Variants in SHB observed in about 807,000 individuals in gnomAD.
The protein encoded by SHB is SH2 domain-containing adapter protein B.
SHB carries 20 observed loss-of-function variants against 52.3 expected under a neutral mutation model. The observed-to-expected ratio is 0.38, with a 90% CI of 0.27 to 0.56. The LOEUF (loss-of-function observed/expected upper bound fraction) is 0.56. SHB is among the 20% of genes least tolerant of loss of function. SHB has a pLI of 0.71. For missense variants in SHB, 825 were observed against 723.3 expected (o/e 1.14, Z -1.61); for synonymous variants, 397 against 316.5 (o/e 1.25, Z -2.70).
rs771012984 is a variant in SHB at position 37,916,464 on chromosome 9, A to G, written c.*3357T>C. ...GAGCTACCGGAACTTCGTGTTCAGC[A>G]TCTTACAAAGGGGGCCGCTGGTTCT... is the stretch of plus-strand genomic sequence containing the variant. On this transcript the variant is annotated 3_prime_UTR_variant, in exon 6 of 6. Coordinates refer to ENST00000377707, the MANE Select transcript of SHB (RefSeq NM_003028.3). 5.9e-5 allele frequency among the ~76,000 whole-genome samples: 9 copies of G among 152,230 alleles called. No individual in the cohort carries two copies. Among genetic ancestry groups the G allele is most frequent in the Non-Finnish European group, 1.2e-4 (8 of 68,042 alleles).
intron 1 of SHB, among the ~76,000 whole-genome samples, chr9:38,027,704 G>A (rs1213907665): frequency 3.3e-5 from 5 of 151,826 alleles, no homozygotes. Flanking sequence ...CTTACCAAGA[G>A]TGAGGGAGCT....
In SHB at chr9:37,923,490, G is replaced by T. The variant is rs573448913; in HGVS notation, c.1347-3486C>A. On this transcript the variant is annotated intron_variant, in intron 5 of 5. Transcript: ENST00000377707. ...GTCCCGAGACTATCTGCCAATCCTCGACCAATGCAAGGGTCAGGTGACGCC... is the reference window on the plus strand; with the variant it reads ...GTCCCGAGACTATCTGCCAATCCTCTACCAATGCAAGGGTCAGGTGACGCC... Among the ~76,000 whole-genome samples the T allele has an allele frequency of 2.6e-5, 4 of 152,180 alleles. No homozygotes were observed. In the South Asian group the frequency reaches 6.2e-4, roughly 24 times the overall value.
intron 2 of SHB, among the ~76,000 whole-genome samples, chr9:37,993,759 T>C (rs976478462): frequency 3.9e-5 from 6 of 152,174 alleles, no homozygotes; most frequent in African/African-American, 1.4e-4. Context: ...GAATTTTTGA[T>C]ATAAGCCTGA....
At chr9:38,014,259 G>A (rs773108843) in intron 2 of SHB, among the ~76,000 whole-genome samples, 6 of 151,926 alleles carry the variant, frequency 3.9e-5, no homozygotes, top group Non-Finnish European at 4.4e-5. Context: ...ACCCAAAGTC[G>A]CTCCTGTAAC....
chr9:38,040,506 A>T (rs1163567548), intron 1 of SHB, among the ~76,000 whole-genome samples: 1 of 152,214 alleles, frequency 6.6e-6, no homozygotes, highest in African/African-American at 2.4e-5. Flanking sequence ...GCTCTGCTCA[A>T]GTGAAGAGCT....
intron 2 of SHB, among the ~76,000 whole-genome samples, chr9:38,011,899 C>G (rs1015338848): frequency 1.3e-5 from 2 of 152,160 alleles, no homozygotes; most frequent in Non-Finnish European, 2.9e-5. Context: ...AGAGATGCTG[C>G]TGGGGTGAGA....
At chr9:37,999,060 A>G (rs1820982393) in intron 2 of SHB, among the ~76,000 whole-genome samples, 1 of 152,208 alleles carries the variant, frequency 6.6e-6, no homozygotes, top group African/African-American at 2.4e-5. Flanking sequence ...TGAGGAGGAC[A>G]GTGAGCGTTT....
chr9:37,981,954 G>GT (rs1820732595), intron 2 of SHB, among the ~76,000 whole-genome samples: 1 of 152,082 alleles, frequency 6.6e-6, no homozygotes, highest in Admixed American at 6.5e-5. Context: ...ACAGGTCACC[G>GT]TAACAGCTAT....
At chr9:37,956,904 T>G (rs1832642045) in intron 3 of SHB, among the ~76,000 whole-genome samples, 1 of 152,222 alleles carries the variant, frequency 6.6e-6, no homozygotes. Flanking sequence ...ACTGTGCCTG[T>G]ACCTGTGGAA....
intron 5 of SHB, among the ~76,000 whole-genome samples, chr9:37,938,629 G>C (rs992484022): frequency 1.1e-4 from 17 of 152,180 alleles, no homozygotes; most frequent in African/African-American, 4.1e-4. Context: ...AGATTTATGT[G>C]GGCTGATACG....
intron 1 of SHB, among the ~76,000 whole-genome samples, chr9:38,036,499 A>AC (rs1185417544): frequency 6.6e-6 from 1 of 152,052 alleles, no homozygotes; most frequent in East Asian, 1.9e-4. Context: ...GGCACAAGGA[A>AC]CCCCCAGAGC....
chr9:38,058,802 GTTC>G (rs1324944645), intron 1 of SHB, among the ~76,000 whole-genome samples: 1 of 152,078 alleles, frequency 6.6e-6, no homozygotes, highest in Non-Finnish European at 1.5e-5. Context: ...CTTCTGCACT[GTTC>G]TTCTTCCCTC....
intron 3 of SHB, among the ~76,000 whole-genome samples, chr9:37,967,660 A>C (rs985470375): frequency 2.0e-5 from 3 of 152,244 alleles, no homozygotes; most frequent in Admixed American, 2.0e-4. Flanking sequence ...TGGCAGCATC[A>C]GCATCACCTG....
intron 1 of SHB, among the ~76,000 whole-genome samples, chr9:38,063,975 C>T (rs552959875): frequency 8.0e-4 from 121 of 151,894 alleles, no homozygotes; most frequent in Non-Finnish European, 1.4e-3. Flanking sequence ...GTGGTGGAAA[C>T]AACATTTATT....
At chr9:37,995,917 T>A (rs1381990372) in intron 2 of SHB, among the ~76,000 whole-genome samples, 3 of 152,148 alleles carry the variant, frequency 2.0e-5, no homozygotes, top group Non-Finnish European at 4.4e-5. Flanking sequence ...TCTTTGAACA[T>A]CCAATTGGCT....
At chr9:37,956,828 A>T (rs186258639) in intron 3 of SHB, among the ~76,000 whole-genome samples, 1 of 152,308 alleles carries the variant, frequency 6.6e-6, no homozygotes, top group Non-Finnish European at 1.5e-5. Flanking sequence ...TTCTCTGAAA[A>T]ACAGGGATAA....
intron 1 of SHB, 105 bp downstream of exon 1, chr9:38,067,824 G>A: frequency 1.6e-6 from 2 of 1,252,884 alleles, no homozygotes; most frequent in Non-Finnish European, 2.1e-6. Context: ...CAGGGTCCTA[G>A]GCCGAAGCTG....
At chr9:37,992,226 C>T (rs1023311210) in intron 2 of SHB, among the ~76,000 whole-genome samples, 19 of 151,976 alleles carry the variant, frequency 1.3e-4, no homozygotes, top group Non-Finnish European at 2.4e-4. Context: ...CATGGTGAAA[C>T]CCCGTCTCTA....
At chr9:37,999,013 T>A (rs1395359193) in intron 2 of SHB, among the ~76,000 whole-genome samples, 1 of 152,100 alleles carries the variant, frequency 6.6e-6, no homozygotes, top group Non-Finnish European at 1.5e-5. Context: ...AGGGAGGAAG[T>A]CCCTGCGGGA....
Sources: gnomAD v4.1 joint callset for allele counts (sites outside exome capture counted in the v4.1 genomes callset) on GRCh38, gnomAD v4.1.1 for gene constraint, MANE v1.5 for transcripts, NCBI Gene and HGNC (gene_info 2026-07-23, HGNC 2026-07-21) for gene names.